Variants in ZCCHC7 observed in about 807,000 individuals in gnomAD.
ZCCHC7 encodes the protein zinc finger CCHC-type containing 7.
ZCCHC7 carries 35 observed loss-of-function variants against 52.0 expected under a neutral mutation model. The ratio of observed to expected loss-of-function variants is 0.67; its 90% CI spans 0.51 to 0.89. The LOEUF is 0.89. Ranked by LOEUF, ZCCHC7 falls within the 40% of genes least tolerant of loss-of-function variation. The probability of loss-of-function intolerance (pLI) is 0.00; values close to 1 mark genes in which losing one functional copy is unlikely to be tolerated. For synonymous variants in ZCCHC7, 217 were observed against 221.5 expected (o/e 0.98, Z 0.18); for missense variants, 574 against 649.1 (o/e 0.88, Z 1.26).
intron 7 of ZCCHC7, among the ~76,000 whole-genome samples, chr9:37,350,458 C>A (rs886859657): frequency 2.5e-4 from 38 of 152,176 alleles, no homozygotes; most frequent in Admixed American, 2.5e-3. Context: ...ACTTAGTTCT[C>A]CCGTTTTCCC....
At chr9:37,163,385 C>CAAAAAAAAAAAAAAAAA (rs1022187626) in intron 2 of ZCCHC7, among the ~76,000 whole-genome samples, 1 of 77,162 alleles carries the variant, frequency 1.3e-5, no homozygotes, top group Non-Finnish European at 2.6e-5. Flanking sequence ...GACTCCATCT[C>CAAAAAAAAAAAAAAAAA]AAAAAAAAAA....
chr9:37,198,589 G>C (rs1823411515), intron 2 of ZCCHC7, among the ~76,000 whole-genome samples: 1 of 152,160 alleles, frequency 6.6e-6, no homozygotes, highest in South Asian at 2.1e-4. Context: ...GAGGAATTAA[G>C]ATAATACAAA....
chr9:37,314,151 G>T (rs1045817483), intron 5 of ZCCHC7, among the ~76,000 whole-genome samples: 7 of 152,124 alleles, frequency 4.6e-5, no homozygotes, highest in African/African-American at 1.4e-4. Flanking sequence ...AAGAATAAAT[G>T]TGTAGAAGAT....
chr9:37,174,679 C>G (rs1821921775), intron 2 of ZCCHC7, among the ~76,000 whole-genome samples: 2 of 152,144 alleles, frequency 1.3e-5, no homozygotes, highest in South Asian at 4.1e-4. Flanking sequence ...TGATGGTACC[C>G]TTCAGTAGAA....
intron 5 of ZCCHC7, among the ~76,000 whole-genome samples, chr9:37,318,584 G>C (rs1205498565): frequency 6.6e-6 from 1 of 151,962 alleles, no homozygotes; most frequent in Admixed American, 6.6e-5. Flanking sequence ...CTATATATAT[G>C]TGTGTGTTTC....
chr9:37,120,489 C>A (rs1276625084), upstream of ZCCHC7: 3 of 398,682 alleles, frequency 7.5e-6, no homozygotes, highest in Non-Finnish European at 1.3e-5. Flanking sequence ...GTGACTAGAG[C>A]TGTGTTGTCC....
chr9:37,152,207 CCTTT>C (rs1334116458), intron 2 of ZCCHC7, among the ~76,000 whole-genome samples: 3 of 150,814 alleles, frequency 2.0e-5, no homozygotes, highest in African/African-American at 7.3e-5. Flanking sequence ...TGAACTTCCC[CCTTT>C]CTTCATTTGT....
At chr9:37,345,719 CAAAA>C (rs34403603) in intron 6 of ZCCHC7, among the ~76,000 whole-genome samples, 1 of 119,104 alleles carries the variant, frequency 8.4e-6, no homozygotes, top group Admixed American at 9.0e-5. Flanking sequence ...GACTCCATCT[CAAAA>C]AAAAAAAAAA....
intron 6 of ZCCHC7, among the ~76,000 whole-genome samples, chr9:37,345,831 A>G (rs1820929762): frequency 6.6e-6 from 1 of 152,126 alleles, no homozygotes; most frequent in African/African-American, 2.4e-5. Context: ...ATCTCAATTG[A>G]TAATACCTGA....
chr9:37,191,705 C>T (rs768097348), intron 2 of ZCCHC7, among the ~76,000 whole-genome samples: 1 of 152,214 alleles, frequency 6.6e-6, no homozygotes, highest in African/African-American at 2.4e-5. Flanking sequence ...GTTTAACCCT[C>T]TGTTAATGAA....
intron 2 of ZCCHC7, among the ~76,000 whole-genome samples, chr9:37,140,425 T>C (rs1843171135): frequency 6.6e-6 from 1 of 152,048 alleles, no homozygotes. Flanking sequence ...AAATGTGTTG[T>C]ATAATCATAT....
At chr9:37,183,434 C>T (rs1000482128) in intron 2 of ZCCHC7, among the ~76,000 whole-genome samples, 1 of 152,118 alleles carries the variant, frequency 6.6e-6, no homozygotes, top group Non-Finnish European at 1.5e-5. Flanking sequence ...GTGCAGAAAT[C>T]CTTTTCCTTC....
chr9:37,213,487 A>G (rs1386136767), intron 2 of ZCCHC7, among the ~76,000 whole-genome samples: 1 of 152,206 alleles, frequency 6.6e-6, no homozygotes, highest in Non-Finnish European at 1.5e-5. Context: ...CTTTATTGAT[A>G]CAGGGATCCT....
intron 2 of ZCCHC7, among the ~76,000 whole-genome samples, chr9:37,231,654 C>T (rs1449837730): frequency 6.6e-6 from 1 of 152,060 alleles, no homozygotes; most frequent in Admixed American, 6.5e-5. Flanking sequence ...GGCTGTTTTT[C>T]TCCATTTTTT....
At chr9:37,212,861 T>C (rs767642076) in intron 2 of ZCCHC7, among the ~76,000 whole-genome samples, 5 of 151,850 alleles carry the variant, frequency 3.3e-5, no homozygotes, top group Non-Finnish European at 7.4e-5. Flanking sequence ...AAAGAACACA[T>C]GCACAGTAGT....
intron 3 of ZCCHC7, among the ~76,000 whole-genome samples, chr9:37,302,652 C>A (rs1228595327): frequency 6.6e-6 from 1 of 152,182 alleles, no homozygotes; most frequent in African/African-American, 2.4e-5. Flanking sequence ...TGGGAGATAG[C>A]TAGATTGTAC....
intron 5 of ZCCHC7, among the ~76,000 whole-genome samples, chr9:37,315,891 G>C (rs1471309046): frequency 6.8e-6 from 1 of 146,110 alleles, no homozygotes; most frequent in Non-Finnish European, 1.5e-5. Flanking sequence ...ACCAGGGAAG[G>C]TAGTAGTGGG....
intron 6 of ZCCHC7, among the ~76,000 whole-genome samples, chr9:37,346,951 G>A (rs1288652983): frequency 7.9e-5 from 12 of 152,068 alleles, no homozygotes; most frequent in Admixed American, 7.9e-4. Context: ...AGCCATGATT[G>A]TGCCTCTGTA....
intron 2 of ZCCHC7, among the ~76,000 whole-genome samples, chr9:37,156,052 T>C (rs1588392959): frequency 1.3e-5 from 2 of 152,362 alleles, no homozygotes; most frequent in Non-Finnish European, 2.9e-5. Context: ...TGTTAGTTCA[T>C]GTGTGTTAGC....
Sources: allele counts gnomAD v4.1 joint callset (sites outside exome capture counted in the v4.1 genomes callset), GRCh38; gene constraint gnomAD v4.1.1; transcripts MANE v1.5; gene names NCBI Gene and HGNC (gene_info 2026-07-23, HGNC 2026-07-21).